Variants in TEP1 observed in about 807,000 individuals in gnomAD.
TEP1 encodes the protein telomerase associated protein 1.
In TEP1, 241 loss-of-function variants were observed where a neutral mutation model predicts 306.3. The ratio of observed to expected loss-of-function variants is 0.79; its 90% CI spans 0.71 to 0.88. TEP1 has a LOEUF of 0.88. Among genes scored for constraint, TEP1 ranks in the 40% least tolerant of loss-of-function variants. The pLI is 0.00. For synonymous variants in TEP1, 1,289 were observed against 1,305.5 expected, an observed-to-expected ratio of 0.99 and a Z score of 0.27; for missense variants, 3,051 against 3,276.1, an observed-to-expected ratio of 0.93 and a Z score of 1.68.
At chr14:20,373,846 T>C in intron 44 of TEP1, 36 bp from the exon 45 acceptor site, 1 of 1,603,534 alleles carries the variant, frequency 6.2e-7, no homozygotes, top group Non-Finnish European at 8.5e-7. Context: ...CAGAGTCATA[T>C]TGAGCAGGAC....
At chr14:20,372,380 A>ATGTGTGTGTGTGTGTGTG (rs59329010) in intron 49 of TEP1, among the ~76,000 whole-genome samples, 3 of 139,648 alleles carry the variant, frequency 2.1e-5, no homozygotes, top group East Asian at 2.1e-4. Context: ...GTGTGTGTGT[A>ATGTGTGTGTGTGTGTGTG]TGTGTGTGTG....
intron 17 of TEP1, among the ~76,000 whole-genome samples, chr14:20,388,467 G>C (rs2139098886): frequency 6.6e-6 from 1 of 152,344 alleles, no homozygotes; most frequent in East Asian, 1.9e-4. Flanking sequence ...ATGGTATCCA[G>C]AGGAAAAGCC....
intron 33 of TEP1, 123 bp from the exon 34 acceptor site, chr14:20,380,598 T>A: frequency 7.2e-7 from 1 of 1,396,776 alleles, no homozygotes; most frequent in Non-Finnish European, 9.4e-7. Context: ...TGGCCCTATA[T>A]CAGGAATATC....
At position 20,382,356 on chromosome 14, in the gene TEP1, C is replaced by T; in HGVS notation, c.4141G>A (p.Val1381Met). The change falls in exon 29 of 55, where the codon GTG becomes ATG. Residue 1381 changes from valine (V) to methionine (M), a missense_variant and splice_region_variant. Physicochemically the swap from Val to Met is conservative, Grantham distance 21. Transcript: ENST00000262715. ...GGCAGGGTCCGGAGTCTCTCAGACA[C>T]CTAGGATGGCGGGAGGACAGCCTTG... is the stretch of plus-strand genomic sequence containing the variant. Reference protein sequence around the residue: ...HLRLFTLYEQVSERLRTLPAT... With the variant: ...HLRLFTLYEQMSERLRTLPAT... 6.2e-7 allele frequency: 1 copy of T among 1,605,222 alleles called. No homozygotes were observed. Among genetic ancestry groups the T allele is most frequent in the Non-Finnish European group, 8.5e-7 (1 of 1,175,662 alleles).
intron 27 of TEP1, 28 bp downstream of exon 27, chr14:20,383,146 A>T (rs201690589): frequency 3.2e-6 from 5 of 1,555,274 alleles, no homozygotes; most frequent in Non-Finnish European, 4.3e-6. Context: ...CACCCCACAC[A>T]CCCACCGGCC....
chr14:20,368,117 C>T lies in TEP1; in HGVS notation c.*320G>A, dbSNP rs938925225. ...AATGGCATCCTAGGGTCCTAGGGCC[C>T]GCGAGTGATGCAAGAATTCTAAAAC... On this transcript the variant is annotated 3_prime_UTR_variant, in exon 55 of 55. Coordinates refer to ENST00000262715, the MANE Select transcript of TEP1 (RefSeq NM_007110.5). 8.9e-5 allele frequency: 18 copies of T among 202,516 alleles called. No individual in the cohort carries two copies. The highest frequency in any genetic ancestry group is 1.5e-4 in the Non-Finnish European group (15 of 98,796). 12.5% of individuals were successfully genotyped at this position (202,516 alleles called of 1,614,324 possible). A position where few individuals can be genotyped will look rare whatever the true frequency, so the allele number is the denominator to read the frequency against.
Position 20,384,142 on chromosome 14 carries a change from C to G in TEP1, c.3430G>C (p.Ala1144Pro). The change falls in exon 24 of 55, where the codon GCC becomes CCC. Residue 1144 changes from alanine (A) to proline (P), a missense_variant. Ala to Pro is a conservative substitution (Grantham distance 27). Coordinates refer to ENST00000262715, the MANE Select transcript of TEP1 (RefSeq NM_007110.5). ...FQQLQKPPSP[A>P]RPRLLQDTVQ... ...GTGTCCTGAAGAAGGCGTGGCCGGG[C>G]AGGACTCGGTGGCTTCTGCAGCTGC... 1.2e-6 allele frequency: 2 copies of G among 1,614,148 alleles called. No homozygotes were observed. The highest frequency in any genetic ancestry group is 1.7e-6 in the Non-Finnish European group (2 of 1,180,022).
intron 18 of TEP1, 103 bp from the exon 19 acceptor site, chr14:20,386,726 C>T (rs1594347492): frequency 8.6e-6 from 11 of 1,274,274 alleles, no homozygotes; most frequent in Middle Eastern, 2.1e-4. Flanking sequence ...AAGCCAGGTA[C>T]GACAGACAGC....
chr14:20,373,851 C>A lies in TEP1; in HGVS notation c.6472-41G>T, dbSNP rs769569620. 3.4e-5 allele frequency: 55 copies of A among 1,597,678 alleles called. 1 individual carries two copies. In the South Asian group the frequency reaches 6.1e-4, roughly 18 times the overall value. ...AAGATCAGAGCAGAGTCATATTGAG[C>A]AGGACATGGGAAACAGAACTTCCTC... is the stretch of plus-strand genomic sequence containing the variant. On this transcript the variant is annotated intron_variant, in intron 44 of 54. Coordinates refer to ENST00000262715, the MANE Select transcript of TEP1 (RefSeq NM_007110.5).
rs1168060520 is a variant in TEP1, at chr14:20,378,173, C to T, written c.5572G>A (p.Ala1858Thr). The change falls in exon 39 of 55, where the codon GCT becomes ACT. Residue 1858 changes from alanine to threonine, a missense_variant. By Grantham distance (58) the Ala-to-Thr change is moderately conservative. This residue lies in a region of TEP1 where 1,540 missense variants were observed against 1,705.9 expected (regional missense o/e 0.90). Coordinates refer to ENST00000262715, the MANE Select transcript of TEP1 (RefSeq NM_007110.5). Reference protein sequence around the residue: ...LAFNVPGGVVAVGRLDSMVEL... With the variant: ...LAFNVPGGVVTVGRLDSMVEL... ...ACCATACTGTCCAGCCGGCCCACAG[C>T]CACAACCCCCCCAGGCACATTGAAG... 6.2e-7 allele frequency: 1 copy of T among 1,613,886 alleles called. No individual in the cohort carries two copies. The highest frequency in any genetic ancestry group is 8.5e-7 in the Non-Finnish European group (1 of 1,180,022).
chr14:20,389,043 G>A (rs1877469399), intron 17 of TEP1, among the ~76,000 whole-genome samples, 195 bp downstream of exon 17: 1 of 152,056 alleles, frequency 6.6e-6, no homozygotes, highest in South Asian at 2.1e-4. Context: ...AGGTACTCGG[G>A]AGGCGGAGGC....
rs1885355735 is a variant in TEP1, at chr14:20,378,807, GGCA to G, written c.5296_5298del (p.Cys1766del). The G allele has an allele frequency of 6.2e-7, 1 of 1,614,104 alleles. No homozygotes were observed. Among genetic ancestry groups the G allele is most frequent in the Non-Finnish European group, 8.5e-7 (1 of 1,180,056 alleles). On this transcript the variant is annotated inframe_deletion, in exon 37 of 55. Coordinates refer to ENST00000262715, the MANE Select transcript of TEP1 (RefSeq NM_007110.5). ...GCTAGCAGCCGGCAGTCTGGGCTCAGGCAGCAGCCAGTGATTTGGTACTGGTGA... is the reference window on the plus strand; with the variant it reads ...GCTAGCAGCCGGCAGTCTGGGCTCAGGCAGCCAGTGATTTGGTACTGGTGA...
intron 34 of TEP1, 79 bp from the exon 35 acceptor site, chr14:20,380,132 GGA>G (rs2139044564): frequency 1.3e-6 from 2 of 1,582,622 alleles, no homozygotes; most frequent in South Asian, 2.4e-5. Context: ...TTCTGTGCCT[GGA>G]TCCCTCTCCA....
In TEP1 at chr14:20,404,762, T is replaced by C; in HGVS notation, c.881A>G (p.Tyr294Cys). The C allele has an allele frequency of 6.8e-6, 11 of 1,610,086 alleles. No individual in the cohort carries two copies. The highest frequency in any genetic ancestry group is 8.5e-6 in the Non-Finnish European group (10 of 1,177,858). The change falls in exon 5 of 55, where the codon TAT (tyrosine) becomes TGT (cysteine). Residue 294 changes from tyrosine (Y) to cysteine (C), a missense_variant. This residue lies in a region of TEP1 where 1,507 missense variants were observed against 1,550.5 expected (regional missense o/e 0.97). Coordinates refer to ENST00000262715, the MANE Select transcript of TEP1 (RefSeq NM_007110.5). The part of the protein sequence containing the change: ...EPEFILKASL[Y>C]ARQQLNVRNV... ...CCGGACGTTCAGCTGCTGCCTGGCA[T>C]ACAAAGATGCCTAGGACACAGGGTG...
In TEP1 at chr14:20,385,058, A is replaced by G. The variant is rs1333880435; in HGVS notation, c.3034T>C (p.Phe1012Leu). 9 of 1,613,998 alleles carry G rather than the reference A, an allele frequency of 5.6e-6. No homozygotes were observed. The highest frequency in any genetic ancestry group is 7.6e-6 in the Non-Finnish European group (9 of 1,180,020). Residue 1012 changes from phenylalanine (F) to leucine (L), a missense_variant, in exon 21 of 55, where the codon TTC becomes CTC. Around this residue, in one of 3 missense-constraint regions of TEP1, gnomAD observed 1,507 missense variants for 1,550.5 expected, o/e 0.97. Coordinates refer to ENST00000262715, the MANE Select transcript of TEP1 (RefSeq NM_007110.5). ...RSVTEMEVMQ[F>L]LNRNQRLQPS... ...TGCAGACGTTGGTTCCGGTTCAGGA[A>G]CTGCATCACCTCCATCTCTGTCACA...
chr14:20,407,962 G>A lies in TEP1; in HGVS notation c.478C>T (p.Gln160Ter). The A allele has an allele frequency of 6.2e-7, 1 of 1,614,184 alleles. No individual in the cohort carries two copies. Reference protein sequence around the residue: ...LLSEPPSWRAQHFSKGLDLST... With the variant: ...LLSEPPSWRA ...AGGTCTAGTCCCTTAGAGAAATGCT[G>A]AGCCCTCCAACTTGGAGGCTCAGAG... The change falls in exon 2 of 55, where the codon CAG (glutamine) becomes TAG (stop). Residue 160 changes from glutamine to a stop codon, truncating the protein, a stop_gained. Transcript: ENST00000262715. LOFTEE classifies it high-confidence loss of function.
At chr14:20,380,857 C>A in intron 33 of TEP1, 74 bp downstream of exon 33, 1 of 1,305,040 alleles carries the variant, frequency 7.7e-7, no homozygotes, top group Non-Finnish European at 1.1e-6. Context: ...TGCCCCAACC[C>A]TGAGCAGGGC....
chr14:20,393,015 C>T (rs901970872), intron 12 of TEP1, among the ~76,000 whole-genome samples: 18 of 152,048 alleles, frequency 1.2e-4, no homozygotes, highest in Non-Finnish European at 2.2e-4. Flanking sequence ...AGATCGAGAC[C>T]ATCCTGACTC....
In TEP1 at chr14:20,383,532, T is replaced by C; in HGVS notation, c.3823A>G (p.Asn1275Asp). Reference protein sequence around the residue: ...IDGADRLVDQNGQLISDWIPK... With the variant: ...IDGADRLVDQDGQLISDWIPK... ...ATCCAGTCTGAAATCAGCTGCCCAT[T>C]CTGGTCCACTAACCTATCAGCCCCA... Residue 1275 changes from asparagine (N) to aspartate (D), a missense_variant, in exon 26 of 55, where the codon AAT becomes GAT. Asn to Asp is a conservative substitution (Grantham distance 23). Coordinates refer to ENST00000262715, the MANE Select transcript of TEP1 (RefSeq NM_007110.5). 1 of 1,614,208 alleles carries C rather than the reference T, an allele frequency of 6.2e-7. No homozygotes were observed. Among genetic ancestry groups the C allele is most frequent in the Non-Finnish European group, 8.5e-7 (1 of 1,180,034 alleles).
Sources: allele counts gnomAD v4.1 joint callset (sites outside exome capture counted in the v4.1 genomes callset), GRCh38; gene constraint gnomAD v4.1.1; regional missense constraint gnomAD v4.1.1; transcripts MANE v1.5; gene names NCBI Gene and HGNC (gene_info 2026-07-23, HGNC 2026-07-21).